The following GPC6 variants were observed in gnomAD, a reference collection of about 807,000 sequenced individuals.
GPC6 encodes the protein glypican-6.
In GPC6, 14 loss-of-function variants were observed where a neutral mutation model predicts 55.2. The observed-to-expected ratio is 0.25, with a 90% CI of 0.17 to 0.40. The LOEUF (loss-of-function observed/expected upper bound fraction) is 0.40, where lower values mean the gene tolerates loss of function less well. GPC6 is among the 10% of genes least tolerant of loss of function. The pLI is 1.00. For missense variants in GPC6, 641 were observed against 708.5 expected, an observed-to-expected ratio of 0.90 and a Z score of 1.08; for synonymous variants, 278 against 259.6, an observed-to-expected ratio of 1.07 and a Z score of -0.68.
intron 4 of GPC6, among the ~76,000 whole-genome samples, chr13:94,233,046 G>A (rs1488157068): frequency 2.1e-5 from 3 of 145,286 alleles, no homozygotes; most frequent in East Asian, 2.0e-4. Context: ...TGACTTGCAC[G>A]GGAGGTCAGA....
chr13:94,275,371 A>G (rs1479397712), intron 4 of GPC6, among the ~76,000 whole-genome samples: 2 of 152,182 alleles, frequency 1.3e-5, no homozygotes, highest in African/African-American at 2.4e-5. Flanking sequence ...AGACCTGAAG[A>G]AAATAAGAGA....
chr13:93,645,929 C>T (rs1051851713), intron 2 of GPC6, among the ~76,000 whole-genome samples: 15 of 152,008 alleles, frequency 9.9e-5, no homozygotes, highest in African/African-American at 3.4e-4. Context: ...TCTCGTCCCC[C>T]GACCCTCCCC....
chr13:94,101,100 C>G (rs1885839663), intron 4 of GPC6, among the ~76,000 whole-genome samples: 1 of 152,242 alleles, frequency 6.6e-6, no homozygotes, highest in African/African-American at 2.4e-5. Flanking sequence ...TCCCTTTTCT[C>G]TTGCTTCTCT....
At chr13:93,283,249 T>C (rs4142602) in intron 1 of GPC6, among the ~76,000 whole-genome samples, 39,276 of 152,106 alleles carry the variant, frequency 0.26, 5,365 homozygotes, top group African/African-American at 0.35. Context: ...TTATTTATCT[T>C]TAGTTAGCCT....
intron 1 of GPC6, among the ~76,000 whole-genome samples, chr13:93,494,075 C>A (rs1384378473): frequency 8.1e-6 from 1 of 123,756 alleles, no homozygotes; most frequent in African/African-American, 3.0e-5. Context: ...TCCTGGGTAT[C>A]CTTGTTGACT....
intron 3 of GPC6, among the ~76,000 whole-genome samples, chr13:93,950,037 G>A (rs903756245): frequency 3.3e-5 from 5 of 152,150 alleles, no homozygotes; most frequent in African/African-American, 7.2e-5. Context: ...TTTTTAATGG[G>A]TACAGAGTTT....
intron 1 of GPC6, among the ~76,000 whole-genome samples, chr13:93,259,436 C>T (rs898772758): frequency 1.3e-5 from 2 of 152,092 alleles, no homozygotes; most frequent in Non-Finnish European, 2.9e-5. Flanking sequence ...AATAGGCATT[C>T]ATTTTTTTCT....
intron 3 of GPC6, among the ~76,000 whole-genome samples, chr13:93,912,659 C>T (rs1428889684): frequency 2.6e-5 from 4 of 152,108 alleles, no homozygotes; most frequent in Non-Finnish European, 4.4e-5. Context: ...AGGAGAATGG[C>T]GTGAACCCAG....
chr13:94,048,700 C>G (rs1031110300), intron 4 of GPC6, among the ~76,000 whole-genome samples: 5 of 151,738 alleles, frequency 3.3e-5, no homozygotes, highest in African/African-American at 4.8e-5. Flanking sequence ...TTGGTCTGGT[C>G]GCAGGAGGCA....
chr13:93,738,202 G>A (rs1281397725), intron 2 of GPC6, among the ~76,000 whole-genome samples: 1 of 152,112 alleles, frequency 6.6e-6, no homozygotes, highest in Non-Finnish European at 1.5e-5. Flanking sequence ...ATGACCAATG[G>A]AATGTCTGAG....
chr13:93,530,591 C>T lies in GPC6; in HGVS notation c.161-14672C>T, dbSNP rs77034768. Among the ~76,000 whole-genome samples, 23 of 152,102 alleles carry T rather than the reference C, an allele frequency of 1.5e-4. No homozygotes were observed. The East Asian group carries it at 3.5e-3, about 23-fold the overall frequency. On this transcript the variant is annotated intron_variant, in intron 1 of 8. Coordinates refer to ENST00000377047, the MANE Select transcript of GPC6 (RefSeq NM_005708.5). The stretch of plus-strand genomic sequence containing the variant: ...GCTCCGAGGAGTGGCATGCTAGAAC[C>T]GGCGCATATTGGTTTGTGAGAACCG...
intron 1 of GPC6, among the ~76,000 whole-genome samples, chr13:93,362,055 T>C (rs554351761): frequency 1.3e-5 from 2 of 152,352 alleles, no homozygotes; most frequent in Admixed American, 1.3e-4. Flanking sequence ...GGTAACTCTT[T>C]CATAATCTCT....
intron 3 of GPC6, among the ~76,000 whole-genome samples, chr13:93,894,261 C>A (rs2065953823): frequency 6.6e-6 from 1 of 152,144 alleles, no homozygotes; most frequent in African/African-American, 2.4e-5. Context: ...ATATTACAAT[C>A]TGTAGTTACT....
At chr13:94,087,425 G>A (rs1295272630) in intron 4 of GPC6, among the ~76,000 whole-genome samples, 1 of 152,158 alleles carries the variant, frequency 6.6e-6, no homozygotes, top group African/African-American at 2.4e-5. Flanking sequence ...CTTAGCCAAT[G>A]CAAAGTAGAG....
intron 2 of GPC6, among the ~76,000 whole-genome samples, chr13:93,669,069 T>C (rs1368837002): frequency 1.3e-5 from 2 of 152,202 alleles, no homozygotes; most frequent in African/African-American, 4.8e-5. Flanking sequence ...GCAATTCTTA[T>C]TGCCTGAACA....
chr13:93,965,121 T>G lies in GPC6; in HGVS notation c.712-62608T>G, dbSNP rs556732949. 2.0e-4 allele frequency among the ~76,000 whole-genome samples: 29 copies of G among 146,002 alleles called. 2 individuals carry two copies. The highest frequency in any genetic ancestry group is 2.0e-3 in the South Asian group (9 of 4,562). The stretch of plus-strand genomic sequence containing the variant: ...CTATGAGTTTGTTTTTTTTTTTTTT[T>G]TTTTTTTTTTTAGCAAGGGAAGTTT... On this transcript the variant is annotated intron_variant, in intron 3 of 8. Transcript: ENST00000377047.
chr13:93,779,849 C>G (rs1474746978), intron 2 of GPC6, among the ~76,000 whole-genome samples: 3 of 152,154 alleles, frequency 2.0e-5, no homozygotes, highest in Non-Finnish European at 4.4e-5. Context: ...GACTCTTCCA[C>G]TCTATAAAGA....
intron 1 of GPC6, among the ~76,000 whole-genome samples, chr13:93,267,954 C>T (rs1877381147): frequency 6.6e-6 from 1 of 152,070 alleles, no homozygotes; most frequent in Non-Finnish European, 1.5e-5. Flanking sequence ...GCATGTTTTC[C>T]ATACTTGTTA....
chr13:93,951,938 G>T (rs1879271647), intron 3 of GPC6, among the ~76,000 whole-genome samples: 1 of 152,086 alleles, frequency 6.6e-6, no homozygotes, highest in Admixed American at 6.6e-5. Context: ...GTTTGTTTCT[G>T]AGCCGATTGC....
Sources: allele counts gnomAD v4.1 joint callset (sites outside exome capture counted in the v4.1 genomes callset), GRCh38; gene constraint gnomAD v4.1.1; transcripts MANE v1.5; gene names NCBI Gene and HGNC (gene_info 2026-07-23, HGNC 2026-07-21).